Variants in LAMA2 observed in about 807,000 individuals in gnomAD.
The protein encoded by LAMA2 is laminin subunit alpha 2.
Under a neutral mutation model 364.8 loss-of-function variants are expected in LAMA2, and 269 were observed. That is an observed-to-expected ratio of 0.74 (90% CI 0.67 to 0.82). LAMA2 has a LOEUF of 0.82. LAMA2 is among the 40% of genes least tolerant of loss of function. The probability of loss-of-function intolerance (pLI) is 0.00; values close to 1 mark genes in which losing one functional copy is unlikely to be tolerated. For missense variants in LAMA2, 3,807 were observed against 3,873.2 expected (o/e 0.98, Z 0.45); for synonymous variants, 1,379 against 1,370.6 (o/e 1.01, Z -0.14).
intron 1 of LAMA2, among the ~76,000 whole-genome samples, chr6:128,994,879 T>C (rs926512188): frequency 4.6e-5 from 7 of 152,104 alleles, no homozygotes; most frequent in Admixed American, 2.0e-4. Flanking sequence ...ATAAAGAAGA[T>C]TTCTAAAGGA....
At position 128,883,237 on chromosome 6, in the gene LAMA2, G is replaced by C. The variant is rs1217085316; in HGVS notation, c.-9G>C. On this transcript the variant is annotated 5_prime_UTR_variant, in exon 1 of 65. Coordinates refer to ENST00000421865, the MANE Select transcript of LAMA2 (RefSeq NM_000426.4). ...CTCCCGAGAAGTGGATCCGGTCGCG[G>C]CCACTACGATGCCGGGAGCCGCCGG... 1.3e-6 allele frequency: 2 copies of C among 1,549,490 alleles called. No individual in the cohort carries two copies. Among genetic ancestry groups the C allele is most frequent in the Non-Finnish European group, 1.7e-6 (2 of 1,147,554 alleles).
chr6:128,903,027 T>C (rs1777185671), intron 1 of LAMA2, among the ~76,000 whole-genome samples: 1 of 152,138 alleles, frequency 6.6e-6, no homozygotes, highest in African/African-American at 2.4e-5. Context: ...AACACACACA[T>C]TTTGTTCTTC....
chr6:128,954,700 G>C (rs1480858053), intron 1 of LAMA2, among the ~76,000 whole-genome samples: 2 of 151,906 alleles, frequency 1.3e-5, no homozygotes, highest in African/African-American at 4.8e-5. Context: ...AGATAAGTAA[G>C]CCAGATATAA....
intron 1 of LAMA2, chr6:128,905,723 C>T (rs1021236474): frequency 1.4e-4 from 21 of 151,190 alleles, no homozygotes; most frequent in East Asian, 3.9e-4. Context: ...CATGCTGGTG[C>T]GCTGCACCCA....
chr6:129,081,822 T>C (rs984762667), intron 3 of LAMA2, among the ~76,000 whole-genome samples: 1 of 152,170 alleles, frequency 6.6e-6, no homozygotes, highest in African/African-American at 2.4e-5. Context: ...ATACTCCAAA[T>C]TTTATAGAAG....
At chr6:129,066,047 T>TTTTTTTTTTTTTTTTTTTTTTTC in intron 3 of LAMA2, among the ~76,000 whole-genome samples, 1 of 81,948 alleles carries the variant, frequency 1.2e-5, no homozygotes, top group Non-Finnish European at 2.5e-5. Context: ...GGTTTTTTTT[T>TTTTTTTTTTTTTTTTTTTTTTTC]TTTTTTTTTT....
At chr6:129,186,112 A>G (rs1007816510) in intron 10 of LAMA2, among the ~76,000 whole-genome samples, 1 of 151,684 alleles carries the variant, frequency 6.6e-6, no homozygotes, top group Non-Finnish European at 1.5e-5. Flanking sequence ...GAGGTTTAAT[A>G]GATTAGACTC....
Position 129,440,988 on chromosome 6 carries a change from T to A in LAMA2, c.6258T>A (p.Pro2086=). ...VAKTNAVVKD[P]SKNKIIADAD... ...AAACGAATGCTGTGGTTAAAGATCC[T>A]TCCAAGAACAGTAAGATCTCCTTTT... The change falls in exon 43 of 65, where the codon CCT becomes CCA. Residue 2086 remains proline, a synonymous_variant. Transcript: ENST00000421865. The A allele has an allele frequency of 6.2e-7, 1 of 1,612,962 alleles. No individual in the cohort carries two copies. The highest frequency in any genetic ancestry group is 8.5e-7 in the Non-Finnish European group (1 of 1,179,042).
At chr6:128,909,694 T>G (rs1472808655) in intron 1 of LAMA2, among the ~76,000 whole-genome samples, 2 of 151,470 alleles carry the variant, frequency 1.3e-5, no homozygotes, top group African/African-American at 2.4e-5. Context: ...GTTAGCTGGT[T>G]ATTTTGCTCG....
chr6:129,405,481 C>T (rs1780200488), intron 40 of LAMA2, among the ~76,000 whole-genome samples: 1 of 152,116 alleles, frequency 6.6e-6, no homozygotes, highest in South Asian at 2.1e-4. Context: ...CAACCTCAAA[C>T]AGAGAGTGAT....
At chr6:129,494,481 A>G (rs1785051715) in intron 58 of LAMA2, among the ~76,000 whole-genome samples, 1 of 152,226 alleles carries the variant, frequency 6.6e-6, no homozygotes, top group Non-Finnish European at 1.5e-5. Context: ...AAGCATACCC[A>G]CATAGACACT....
At chr6:128,984,851 T>G (rs769762582) in intron 1 of LAMA2, among the ~76,000 whole-genome samples, 2 of 152,172 alleles carry the variant, frequency 1.3e-5, no homozygotes, top group African/African-American at 2.4e-5. Context: ...ATTCCATGTA[T>G]CCACCCTGGG....
At chr6:129,361,838 G>T (rs1161949393) in intron 32 of LAMA2, among the ~76,000 whole-genome samples, 1 of 136,626 alleles carries the variant, frequency 7.3e-6, no homozygotes, top group South Asian at 2.3e-4. Flanking sequence ...AGGCTGAAGT[G>T]CAGTGGCATG....
intron 40 of LAMA2, among the ~76,000 whole-genome samples, chr6:129,424,378 T>C (rs1005235993): frequency 1.3e-5 from 2 of 151,524 alleles, no homozygotes; most frequent in Non-Finnish European, 2.9e-5. Context: ...CAACTTAAAT[T>C]TCATCAAAAT....
intron 1 of LAMA2, among the ~76,000 whole-genome samples, chr6:128,982,393 C>T (rs568580498): frequency 1.3e-5 from 2 of 152,152 alleles, no homozygotes; most frequent in South Asian, 4.1e-4. Flanking sequence ...AAATGGTTTC[C>T]TACCTTTCTT....
chr6:128,983,734 G>C lies in LAMA2; in HGVS notation c.113-66184G>C, dbSNP rs577359783. On this transcript the variant is annotated intron_variant, in intron 1 of 64. Transcript: ENST00000421865. ...TTTCAAGAATCAGCTTGTGAACAAT[G>C]CTTTGGAGATTAAGACAGTAGGAAG... 4.7e-4 allele frequency among the ~76,000 whole-genome samples: 71 copies of C among 152,326 alleles called. 1 individual carries two copies. The highest frequency in any genetic ancestry group is 4.2e-3 in the Admixed American group (64 of 15,302).
chr6:129,205,948 C>G (rs60220768), intron 12 of LAMA2, among the ~76,000 whole-genome samples: 60,028 of 150,866 alleles, frequency 0.4, 15,197 homozygotes, highest in African/African-American at 0.73. Flanking sequence ...ACCTGAACTC[C>G]GGAGGCGGAG....
At chr6:128,950,744 T>C (rs1008663473) in intron 1 of LAMA2, among the ~76,000 whole-genome samples, 2 of 152,090 alleles carry the variant, frequency 1.3e-5, no homozygotes, top group African/African-American at 4.8e-5. Context: ...ATGTATATAA[T>C]AATACATCAT....
rs368914319 is a variant in LAMA2, at chr6:129,195,260, C to T, written c.1782+2407C>T. Reference sequence around the variant, plus strand: ...ATGTTCTCTTATAATGGAGATGCCACATGCTGTTATTCTTTTTTTAGGAGC... The same window carrying T: ...ATGTTCTCTTATAATGGAGATGCCATATGCTGTTATTCTTTTTTTAGGAGC... On this transcript the variant is annotated intron_variant, in intron 12 of 64. Transcript: ENST00000421865. Among the ~76,000 whole-genome samples, 32 of 152,266 alleles carry T rather than the reference C, an allele frequency of 2.1e-4. 1 individual carries two copies. The South Asian group carries it at 6.4e-3, about 31-fold the overall frequency.
Sources: allele counts gnomAD v4.1 joint callset (sites outside exome capture counted in the v4.1 genomes callset), GRCh38; gene constraint gnomAD v4.1.1; transcripts MANE v1.5; gene names NCBI Gene and HGNC (gene_info 2026-07-23, HGNC 2026-07-21).